MGAM2: variants seen among roughly 807,000 people sequenced by gnomAD.
MGAM2 encodes maltase-glucoamylase 2 (putative), also known as probable maltase-glucoamylase 2.
MGAM2 carries 98 observed loss-of-function variants against 96.1 expected under a neutral mutation model. The observed-to-expected ratio is 1.02, with a 90% CI of 0.87 to 1.21. The LOEUF (loss-of-function observed/expected upper bound fraction) is 1.21, where lower values mean the gene tolerates loss of function less well. Among genes scored for constraint, MGAM2 ranks in the 50% most tolerant of loss-of-function variants. MGAM2 has a pLI of 0.00. For synonymous variants in MGAM2, 749 were observed against 414.8 expected (o/e 1.81, Z -9.79); for missense variants, 2,055 against 1,182.4 (o/e 1.74, Z -10.82).
Position 142,196,604 on chromosome 7 carries a change from G to C in MGAM2, c.4515+5G>C. 1.4e-6 allele frequency: 1 copy of C among 724,782 alleles called. No homozygotes were observed. The highest frequency in any genetic ancestry group is 2.6e-5 in the East Asian group (1 of 38,890). The allele number at this position is 724,782 out of a possible 1,614,324, so 44.9% of individuals were successfully genotyped here. On this transcript the variant is annotated splice_donor_5th_base_variant and intron_variant, in intron 39 of 47. Coordinates refer to ENST00000477922, the MANE Select transcript of MGAM2 (RefSeq NM_001293626.2). Reference sequence around the variant, plus strand: ...AGTCTCTTTGGAATACCTTATGTAAGTCACATTCAGACCATTACTAATTGC... The same window carrying C: ...AGTCTCTTTGGAATACCTTATGTAACTCACATTCAGACCATTACTAATTGC...
chr7:142,150,032 C>T (rs1378295217), intron 15 of MGAM2, among the ~76,000 whole-genome samples: 2 of 151,928 alleles, frequency 1.3e-5, no homozygotes, highest in African/African-American at 4.8e-5. Flanking sequence ...ACCTCCGCCT[C>T]CCGGGTTCAA....
At chr7:142,199,726 A>G (rs1797160030) in intron 44 of MGAM2, among the ~76,000 whole-genome samples, 154 bp from the exon 45 acceptor site, 2 of 152,154 alleles carry the variant, frequency 1.3e-5, no homozygotes. Flanking sequence ...TAAATGTCTT[A>G]TATTTTATCT....
At chr7:142,142,237 T>G (rs1328435955) in intron 12 of MGAM2, among the ~76,000 whole-genome samples, 1 of 152,216 alleles carries the variant, frequency 6.6e-6, no homozygotes, top group African/African-American at 2.4e-5. Flanking sequence ...GTCTTTGCTT[T>G]TACTGTTTCG....
intron 4 of MGAM2, 115 bp downstream of exon 4, chr7:142,131,186 T>A: frequency 1.6e-6 from 1 of 631,622 alleles, no homozygotes; most frequent in Admixed American, 2.4e-5. Flanking sequence ...ACGTCTGTAA[T>A]CCCAGCACTT....
rs1158480702 is a variant in MGAM2 at position 142,158,465 on chromosome 7, T to C, written c.2163+133T>C. The C allele has an allele frequency of 1.5e-4, 87 of 574,778 alleles. 1 individual carries two copies. In the East Asian group the frequency reaches 2.0e-3, roughly 13 times the overall value. The allele number at this position is 574,778 out of a possible 1,614,324, so 35.6% of individuals were successfully genotyped here. On this transcript the variant is annotated intron_variant, in intron 19 of 47. Transcript: ENST00000477922. ...ATATAAATGAGAGAGCTCATGAAAG[T>C]TTAGAAATTTTTTAAAAAGTAGTAA... is the stretch of plus-strand genomic sequence containing the variant.
chr7:142,151,386 A>G (rs1230792828), intron 15 of MGAM2, among the ~76,000 whole-genome samples: 1 of 152,240 alleles, frequency 6.6e-6, no homozygotes, highest in Admixed American at 6.5e-5. Flanking sequence ...TTTGGTTAAA[A>G]AAAGAAAACC....
intron 26 of MGAM2, among the ~76,000 whole-genome samples, chr7:142,168,769 A>G (rs531753369): frequency 1.3e-5 from 2 of 152,330 alleles, no homozygotes; most frequent in East Asian, 1.9e-4. Flanking sequence ...ATTTTAACCA[A>G]TGCGCTAAAA....
intron 35 of MGAM2, among the ~76,000 whole-genome samples, chr7:142,187,322 T>C (rs547416576): frequency 2.0e-4 from 31 of 152,234 alleles, no homozygotes; most frequent in Non-Finnish European, 3.4e-4. Context: ...AAGATAATAG[T>C]AACCTCTGGC....
intron 46 of MGAM2, among the ~76,000 whole-genome samples, chr7:142,218,088 C>T (rs923892826): frequency 2.0e-5 from 3 of 151,874 alleles, no homozygotes; most frequent in African/African-American, 7.3e-5. Flanking sequence ...CATCTCAAAA[C>T]AAACAAACAA....
At chr7:142,171,637 T>G (rs1175679832) in intron 28 of MGAM2, among the ~76,000 whole-genome samples, 197 bp downstream of exon 28, 1 of 94,266 alleles carries the variant, frequency 1.1e-5, no homozygotes, top group Non-Finnish European at 2.0e-5. Flanking sequence ...TATATATATA[T>G]ATATATATAT....
chr7:142,164,831 A>G (rs1795984899), intron 23 of MGAM2, 25 bp from the exon 24 acceptor site: 1 of 672,590 alleles, frequency 1.5e-6, no homozygotes, highest in South Asian at 1.6e-5. Context: ...CTGGTTTCCA[A>G]TCTGACTTTT....
chr7:142,185,395 A>G (rs1046093748), intron 34 of MGAM2, among the ~76,000 whole-genome samples: 8 of 152,212 alleles, frequency 5.3e-5, no homozygotes, highest in Non-Finnish European at 1.0e-4. Flanking sequence ...ATTTGTTTGA[A>G]CTTTATGACG....
At chr7:142,168,821 T>A (rs899721603) in intron 26 of MGAM2, among the ~76,000 whole-genome samples, 3 of 152,236 alleles carry the variant, frequency 2.0e-5, no homozygotes, top group Non-Finnish European at 2.9e-5. Flanking sequence ...ATGGAGTTAC[T>A]TTGCCATCTT....
In MGAM2 at chr7:142,148,768, C is replaced by A. The variant is rs1365886863; in HGVS notation, c.1634+1195C>A. On this transcript the variant is annotated intron_variant, in intron 15 of 47. Coordinates refer to ENST00000477922, the MANE Select transcript of MGAM2 (RefSeq NM_001293626.2). The surrounding 1 kb of genome is among the most constrained non-coding windows in gnomAD (Gnocchi z 4.2). ...CATCTTTGTCTTTCTCGGCTTCTTT[C>A]CCCCTGTTTTGGTGTTTCTAGAGCA... Among the ~76,000 whole-genome samples, 3 of 152,140 alleles carry A rather than the reference C, an allele frequency of 2.0e-5. No homozygotes were observed. Among genetic ancestry groups the A allele is most frequent in the African/African-American group, 4.8e-5 (2 of 41,440 alleles).
chr7:142,135,218 A>C (rs1795022550), intron 7 of MGAM2, among the ~76,000 whole-genome samples: 1 of 152,224 alleles, frequency 6.6e-6, no homozygotes, highest in African/African-American at 2.4e-5. Flanking sequence ...CCAGCATCGG[A>C]TACAATGGAG....
chr7:142,144,903 C>A lies in MGAM2; in HGVS notation c.1474C>A (p.Gln492Lys). 1.4e-6 allele frequency: 1 copy of A among 702,762 alleles called. No individual in the cohort carries two copies. The highest frequency in any genetic ancestry group is 2.6e-6 in the Non-Finnish European group (1 of 384,874). 43.5% of individuals were successfully genotyped at this position (702,762 alleles called of 1,614,324 possible). A position where few individuals can be genotyped will look rare whatever the true frequency, so the allele number is the denominator to read the frequency against. The change falls in exon 14 of 48, where the codon CAG (glutamine) becomes AAG (lysine). Residue 492 changes from glutamine to lysine, a missense_variant. Gln to Lys is a moderately conservative substitution (Grantham distance 53). Transcript: ENST00000477922. ...TAGCTTACTCCAAGCTTCTAATAAC[C>A]AGTGTGAATCCAACAACTTGAACTT... ...VSSLLQASNN[Q>K]CESNNLNFPP...
At position 142,120,284 on chromosome 7, in the gene MGAM2, C is replaced by T. The variant is rs1237281350; in HGVS notation, c.107-18C>T. On this transcript the variant is annotated intron_variant, in intron 2 of 47. Transcript: ENST00000477922. ...TTACACTACACATTTTCAACTTTAT[C>T]CTTTAATTCCTATGCAGATACTTCA... is the stretch of plus-strand genomic sequence containing the variant. The T allele has an allele frequency of 2.8e-6, 2 of 702,348 alleles. No individual in the cohort carries two copies. Among genetic ancestry groups the T allele is most frequent in the African/African-American group, 3.5e-5 (2 of 57,218 alleles). 43.5% of individuals were successfully genotyped at this position (702,348 alleles called of 1,614,324 possible).
At chr7:142,126,786 A>G (rs1049011633) in intron 3 of MGAM2, among the ~76,000 whole-genome samples, 3 of 152,152 alleles carry the variant, frequency 2.0e-5, no homozygotes, top group Non-Finnish European at 4.4e-5. Flanking sequence ...GATCTTTCCA[A>G]AGAAACCCTT....
intron 37 of MGAM2, among the ~76,000 whole-genome samples, chr7:142,193,715 CT>C (rs1796941268): frequency 1.3e-5 from 2 of 152,208 alleles, no homozygotes; most frequent in Non-Finnish European, 2.9e-5. Flanking sequence ...CCACAAACTC[CT>C]TTGCAGGTTT....
Sources: allele counts gnomAD v4.1 joint callset (sites outside exome capture counted in the v4.1 genomes callset), GRCh38; gene constraint gnomAD v4.1.1; non-coding constraint Gnocchi (gnomAD v3.1); transcripts MANE v1.5; gene names NCBI Gene and HGNC (gene_info 2026-07-23, HGNC 2026-07-21).